RNMT: variants seen among roughly 807,000 people sequenced by gnomAD.
RNMT encodes RNA guanine-7 methyltransferase, also known as mRNA cap guanine-N(7) methyltransferase.
A neutral mutation model predicts 56.0 loss-of-function variants in RNMT; 27 were observed. That is an observed-to-expected ratio of 0.48 (90% CI 0.36 to 0.67). RNMT has a LOEUF of 0.67. RNMT is among the 30% of genes least tolerant of loss of function. The pLI is 0.00. For missense variants in RNMT, 519 were observed against 552.1 expected (o/e 0.94, Z 0.60); for synonymous variants, 184 against 176.2 (o/e 1.04, Z -0.35).
At chr18:13,747,856 C>CT (rs1314549172) in intron 9 of RNMT, among the ~76,000 whole-genome samples, 1 of 152,134 alleles carries the variant, frequency 6.6e-6, no homozygotes, top group Non-Finnish European at 1.5e-5. Context: ...ACTAGCAAAA[C>CT]TATGTGTGGA....
chr18:13,737,133 C>T lies in RNMT; in HGVS notation c.677C>T (p.Thr226Ile). Residue 226 changes from threonine to isoleucine, a missense_variant and splice_region_variant, in exon 5 of 12, where the codon ACT (threonine) becomes ATT (isoleucine). By Grantham distance (89) the Thr-to-Ile change is moderately conservative (BLOSUM62 -1). Coordinates refer to ENST00000383314, the MANE Select transcript of RNMT (RefSeq NM_003799.3). ...KKGRINKLVC[T>I]DIADVSVKQC... ...GGAAGAATTAACAAGCTAGTTTGTACTGGTAAGATAAATAATGATATGGGA... is the reference window on the plus strand; with the variant it reads ...GGAAGAATTAACAAGCTAGTTTGTATTGGTAAGATAAATAATGATATGGGA... The T allele has an allele frequency of 6.3e-7, 1 of 1,596,618 alleles. No homozygotes were observed. Among genetic ancestry groups the T allele is most frequent in the Non-Finnish European group, 8.5e-7 (1 of 1,169,656 alleles).
chr18:13,746,630 G>A (rs987236535), intron 9 of RNMT, among the ~76,000 whole-genome samples: 1 of 152,202 alleles, frequency 6.6e-6, no homozygotes, highest in Non-Finnish European at 1.5e-5. Context: ...GCTGTGGGAT[G>A]CTGTGCATTG....
At chr18:13,744,736 C>G (rs1186835097) in intron 8 of RNMT, among the ~76,000 whole-genome samples, 1 of 152,126 alleles carries the variant, frequency 6.6e-6, no homozygotes, top group East Asian at 1.9e-4. Flanking sequence ...TTGCCCTTAC[C>G]CTATCCCCTC....
At chr18:13,729,825 G>A (rs191848204) in intron 1 of RNMT, among the ~76,000 whole-genome samples, 6 of 151,088 alleles carry the variant, frequency 4.0e-5, no homozygotes, top group Admixed American at 3.3e-4. Flanking sequence ...TTTTAAGTGG[G>A]GTCTCACTTT....
chr18:13,748,370 C>T (rs1011508162), intron 9 of RNMT, among the ~76,000 whole-genome samples: 3 of 151,934 alleles, frequency 2.0e-5, no homozygotes, highest in East Asian at 1.9e-4. Context: ...CTCTGGTGGG[C>T]GTGTAAAGGA....
At position 13,761,927 on chromosome 18, in the gene RNMT, G is replaced by T. The variant is rs78482894; in HGVS notation, c.*1948G>T. 161,218 of 1,362,120 alleles carry T rather than the reference G, an allele frequency of 0.12. 9,525 individuals are homozygous for T. Among genetic ancestry groups the T allele is most frequent in the South Asian group, 0.16 (11,681 of 74,862 alleles). The allele number at this position is 1,362,120 out of a possible 1,614,324, so 84.4% of individuals were successfully genotyped here. The stretch of plus-strand genomic sequence containing the variant: ...ATTGACTTAAGAACTGTTAGGAAGA[G>T]GACTAGAAAAGGCTTCCCCTGCCTA... On this transcript the variant is annotated 3_prime_UTR_variant, in exon 12 of 12. Coordinates refer to ENST00000383314, the MANE Select transcript of RNMT (RefSeq NM_003799.3).
intron 8 of RNMT, among the ~76,000 whole-genome samples, chr18:13,745,990 C>T (rs1263606983): frequency 6.6e-6 from 1 of 152,172 alleles, no homozygotes; most frequent in African/African-American, 2.4e-5. Flanking sequence ...TACTTCCTGA[C>T]CTTTATGTTA....
At chr18:13,752,117 T>C (rs1006332502) in intron 9 of RNMT, among the ~76,000 whole-genome samples, 7 of 152,154 alleles carry the variant, frequency 4.6e-5, no homozygotes, top group Non-Finnish European at 8.8e-5. Flanking sequence ...TAATATACCC[T>C]AGTATAATAT....
intron 1 of RNMT, among the ~76,000 whole-genome samples, chr18:13,729,731 T>C (rs1168635720): frequency 6.6e-6 from 1 of 152,228 alleles, no homozygotes; most frequent in Non-Finnish European, 1.5e-5. Context: ...TGATTTCTTA[T>C]TCTTTTTCAT....
intron 11 of RNMT, among the ~76,000 whole-genome samples, chr18:13,758,790 GC>G (rs1469956943): frequency 1.3e-5 from 2 of 152,048 alleles, no homozygotes; most frequent in African/African-American, 2.4e-5. Flanking sequence ...CTTTTTACAT[GC>G]CTTGTTCACT....
chr18:13,750,911 T>C (rs1270048259), intron 9 of RNMT, among the ~76,000 whole-genome samples: 3 of 152,132 alleles, frequency 2.0e-5, no homozygotes, highest in African/African-American at 7.2e-5. Flanking sequence ...TGGCTAGCCA[T>C]ATGTAGAAAG....
chr18:13,728,299 T>G (rs953909293), intron 1 of RNMT, among the ~76,000 whole-genome samples: 1 of 120,828 alleles, frequency 8.3e-6, no homozygotes, highest in Non-Finnish European at 1.6e-5. Flanking sequence ...CTCATCAGCA[T>G]CTTTTTTTTT....
intron 9 of RNMT, among the ~76,000 whole-genome samples, chr18:13,747,183 T>G (rs1028577162): frequency 5.9e-5 from 9 of 151,984 alleles, no homozygotes; most frequent in Non-Finnish European, 1.3e-4. Flanking sequence ...CTCCATGAAG[T>G]AGGCAGAATG....
chr18:13,753,820 C>T (rs1444664144), intron 10 of RNMT, among the ~76,000 whole-genome samples: 1 of 133,546 alleles, frequency 7.5e-6, no homozygotes, highest in African/African-American at 3.0e-5. Flanking sequence ...TCCAGTTACA[C>T]ACACACACAC....
chr18:13,763,176 A>G lies in RNMT; in HGVS notation c.*3197A>G. The G allele has an allele frequency of 2.2e-6, 1 of 455,314 alleles. No individual in the cohort carries two copies. The highest frequency in any genetic ancestry group is 2.4e-5 in the Admixed American group (1 of 42,444). 28.2% of individuals were successfully genotyped at this position (455,314 alleles called of 1,614,324 possible). A position where few individuals can be genotyped will look rare whatever the true frequency, so the allele number is the denominator to read the frequency against. On this transcript the variant is annotated 3_prime_UTR_variant, in exon 12 of 12. Transcript: ENST00000383314. ...ACCTCCCTAGTTGCTGCTATATCAA[A>G]CACTGCACACTTGACAAGTGTTTTC...
At chr18:13,740,668 G>T (rs934624134) in intron 6 of RNMT, among the ~76,000 whole-genome samples, 1 of 152,130 alleles carries the variant, frequency 6.6e-6, no homozygotes, top group Non-Finnish European at 1.5e-5. Flanking sequence ...CATGGTGCCC[G>T]GCTACTCATT....
chr18:13,732,479 GCTT>G (rs1231133190), intron 3 of RNMT, among the ~76,000 whole-genome samples: 4 of 152,036 alleles, frequency 2.6e-5, no homozygotes, highest in Non-Finnish European at 4.4e-5. Context: ...ACAGTTTTCA[GCTT>G]CTTATTAATG....
At chr18:13,746,108 G>A (rs1040557732) in intron 8 of RNMT, 112 bp from the exon 9 acceptor site, 1 of 648,196 alleles carries the variant, frequency 1.5e-6, no homozygotes, top group Non-Finnish European at 2.8e-6. Flanking sequence ...AATTTATCAA[G>A]GGAGTGGTAG....
chr18:13,747,526 C>T (rs1321025201), intron 9 of RNMT, among the ~76,000 whole-genome samples: 1 of 152,156 alleles, frequency 6.6e-6, no homozygotes, highest in East Asian at 1.9e-4. Flanking sequence ...GGCCAGTTTT[C>T]ACATTTTTTT....
Sources: gnomAD v4.1 joint callset for allele counts (sites outside exome capture counted in the v4.1 genomes callset) on GRCh38, gnomAD v4.1.1 for gene constraint, MANE v1.5 for transcripts, NCBI Gene and HGNC (gene_info 2026-07-23, HGNC 2026-07-21) for gene names.